SPMIP2: variants seen among roughly 807,000 people sequenced by gnomAD.
SPMIP2 encodes the protein sperm microtubule inner protein 2, also known as protein SPMIP2.
the SPMIP2 span, among the ~76,000 whole-genome samples, chr4:159,033,275 T>C: frequency 6.9e-6 from 1 of 145,604 alleles, no homozygotes; most frequent in South Asian, 2.2e-4. Context: ...AAAAGATCAG[T>C]GGTTGCCAGG....
chr4:159,081,487 C>A, the SPMIP2 span, among the ~76,000 whole-genome samples: 1 of 151,972 alleles, frequency 6.6e-6, no homozygotes, highest in Non-Finnish European at 1.5e-5. Context: ...CTCAGGAGTT[C>A]AAGACCAGCC....
chr4:159,078,978 T>C, the SPMIP2 span, among the ~76,000 whole-genome samples: 1 of 151,792 alleles, frequency 6.6e-6, no homozygotes, highest in Non-Finnish European at 1.5e-5. Context: ...ATTAGCTGGG[T>C]GTGGTGGTGC....
chr4:159,019,296 C>CAA, the SPMIP2 span, among the ~76,000 whole-genome samples: 35,925 of 100,164 alleles, frequency 0.36, 7,811 homozygotes, highest in East Asian at 0.58. Context: ...GACTCCGTCT[C>CAA]AAAAAAAAAA....
At chr4:159,009,858 C>T in the SPMIP2 span, among the ~76,000 whole-genome samples, 2 of 152,040 alleles carry the variant, frequency 1.3e-5, no homozygotes, top group African/African-American at 2.4e-5. Flanking sequence ...CAGTGGTGTA[C>T]GCCTATAGTC....
At chr4:158,970,985 A>G in the SPMIP2 span, among the ~76,000 whole-genome samples, 812 of 152,322 alleles carry the variant, frequency 5.3e-3, 5 homozygotes, top group African/African-American at 0.018. Flanking sequence ...TCAGCAGTGC[A>G]GTGATTAAAA....
the SPMIP2 span, among the ~76,000 whole-genome samples, chr4:159,021,200 A>G: frequency 6.6e-6 from 1 of 152,246 alleles, no homozygotes; most frequent in Non-Finnish European, 1.5e-5. Context: ...GACTTAATTA[A>G]AAGCTAGATG....
At chr4:158,983,554 C>G in the SPMIP2 span, among the ~76,000 whole-genome samples, 1 of 128,252 alleles carries the variant, frequency 7.8e-6, no homozygotes, top group Non-Finnish European at 1.6e-5. Flanking sequence ...TCCAGCCAAA[C>G]TAAGCTTCAT....
the SPMIP2 span, among the ~76,000 whole-genome samples, chr4:159,052,351 A>G: frequency 7.9e-5 from 12 of 151,872 alleles, no homozygotes; most frequent in African/African-American, 2.9e-4. Flanking sequence ...CCCATGCTCC[A>G]TGAGTTAAGT....
the SPMIP2 span, chr4:158,960,373 T>A: frequency 7.2e-7 from 1 of 1,382,992 alleles, no homozygotes; most frequent in East Asian, 2.3e-5. Context: ...TAATGTACCA[T>A]AATTCCAAAG....
the SPMIP2 span, among the ~76,000 whole-genome samples, chr4:159,035,425 T>A: frequency 9.8e-5 from 15 of 152,298 alleles, no homozygotes; most frequent in East Asian, 2.7e-3. Flanking sequence ...TCCCAGATAA[T>A]CTGGCAGGCT....
chr4:158,976,919 C>G, the SPMIP2 span, among the ~76,000 whole-genome samples: 1 of 152,084 alleles, frequency 6.6e-6, no homozygotes, highest in Non-Finnish European at 1.5e-5. Flanking sequence ...CTCAGCCTCC[C>G]AAAGTGCTGG....
the SPMIP2 span, among the ~76,000 whole-genome samples, chr4:158,956,895 A>G: frequency 3.1e-4 from 47 of 152,266 alleles, no homozygotes; most frequent in African/African-American, 1.1e-3. Context: ...TGGGCCTGTA[A>G]AAATGAAATC....
the SPMIP2 span, among the ~76,000 whole-genome samples, chr4:159,050,248 G>C: frequency 1.5e-5 from 2 of 132,190 alleles, no homozygotes; most frequent in Non-Finnish European, 3.1e-5. Context: ...GATAACTACT[G>C]TCAGGCTTGA....
chr4:158,937,254 GTTATCT>G, the SPMIP2 span, among the ~76,000 whole-genome samples: 2 of 152,196 alleles, frequency 1.3e-5, no homozygotes, highest in African/African-American at 2.4e-5. Context: ...AAAACAGGAA[GTTATCT>G]TTATATTTTG....
the SPMIP2 span, among the ~76,000 whole-genome samples, chr4:158,898,290 CT>C: frequency 1.3e-5 from 2 of 152,146 alleles, no homozygotes; most frequent in African/African-American, 2.4e-5. Flanking sequence ...CAGCTTTGTT[CT>C]TTTTGCTTAG....
chr4:158,976,821 C>T, the SPMIP2 span, among the ~76,000 whole-genome samples: 5 of 151,848 alleles, frequency 3.3e-5, no homozygotes, highest in African/African-American at 1.2e-4. Flanking sequence ...ACCACCACGC[C>T]CAGCTAATTT....
chr4:158,999,983 G>A, the SPMIP2 span, among the ~76,000 whole-genome samples: 1 of 152,006 alleles, frequency 6.6e-6, no homozygotes, highest in Admixed American at 6.6e-5. Context: ...TAGAGAACTT[G>A]GGAAAGTCAT....
the SPMIP2 span, among the ~76,000 whole-genome samples, chr4:158,959,307 G>A: frequency 2.0e-5 from 3 of 152,252 alleles, no homozygotes; most frequent in South Asian, 2.1e-4. Context: ...GTGGATGCCT[G>A]CAATGCTATC....
At chr4:159,007,744 G>C in the SPMIP2 span, 1 of 640,934 alleles carries the variant, frequency 1.6e-6, no homozygotes, top group Admixed American at 1.9e-5. Context: ...CTGGACTTCG[G>C]GGCCTTCTAC....
Sources: gnomAD v4.1 joint callset for allele counts (sites outside exome capture counted in the v4.1 genomes callset) on GRCh38, gnomAD v4.1.1 for gene constraint, MANE v1.5 for transcripts, NCBI Gene and HGNC (gene_info 2026-07-23, HGNC 2026-07-21) for gene names.